Variants in ASZ1 observed in about 807,000 individuals in gnomAD.
The protein encoded by ASZ1 is ankyrin repeat, SAM and basic leucine zipper domain-containing protein 1.
Under a neutral mutation model 61.8 loss-of-function variants are expected in ASZ1, and 67 were observed. That is an observed-to-expected ratio of 1.08 (90% CI 0.89 to 1.33). The LOEUF is 1.33. ASZ1 is among the 40% of genes most tolerant of loss of function. The pLI is 0.00. For missense variants in ASZ1, 577 were observed against 554.5 expected (o/e 1.04, Z -0.41); for synonymous variants, 193 against 192.7 (o/e 1.00, Z -0.01).
intron 2 of ASZ1, among the ~76,000 whole-genome samples, chr7:117,426,422 G>A (rs1157696203): frequency 2.2e-5 from 3 of 136,698 alleles, no homozygotes; most frequent in Non-Finnish European, 4.6e-5. Flanking sequence ...CCCGAAGGTG[G>A]AGATTGCAGT....
At chr7:117,377,671 G>GT (rs992779776) in intron 10 of ASZ1, among the ~76,000 whole-genome samples, 18 of 152,004 alleles carry the variant, frequency 1.2e-4, no homozygotes, top group Admixed American at 4.6e-4. Flanking sequence ...TCTCAGAAAG[G>GT]TTTTTTGTAG....
chr7:117,392,321 G>C (rs993421037), intron 4 of ASZ1, among the ~76,000 whole-genome samples: 1 of 151,758 alleles, frequency 6.6e-6, no homozygotes, highest in African/African-American at 2.4e-5. Context: ...TACCTTCTTG[G>C]TTAGATGTAT....
At chr7:117,382,046 C>T in intron 8 of ASZ1, 23 bp downstream of exon 8, 2 of 1,422,336 alleles carry the variant, frequency 1.4e-6, no homozygotes, top group Non-Finnish European at 2.0e-6. Flanking sequence ...GCATAACTCA[C>T]TGTAGGTTAT....
intron 10 of ASZ1, among the ~76,000 whole-genome samples, chr7:117,375,976 T>C (rs1796128314): frequency 1.3e-5 from 2 of 151,246 alleles, no homozygotes; most frequent in Admixed American, 1.3e-4. Flanking sequence ...ACAGCAGAAA[T>C]CAATGACACT....
At chr7:117,406,076 T>C (rs1396167717) in intron 4 of ASZ1, among the ~76,000 whole-genome samples, 1 of 151,610 alleles carries the variant, frequency 6.6e-6, no homozygotes, top group Non-Finnish European at 1.5e-5. Flanking sequence ...CCTTAGACCA[T>C]AGGGTCATTA....
intron 3 of ASZ1, among the ~76,000 whole-genome samples, chr7:117,420,525 A>G (rs1048867850): frequency 2.6e-5 from 4 of 152,226 alleles, no homozygotes; most frequent in African/African-American, 7.2e-5. Flanking sequence ...CTTCAAGAGA[A>G]CAGAAAGTGG....
intron 10 of ASZ1, among the ~76,000 whole-genome samples, chr7:117,369,548 A>G (rs1290946227): frequency 6.6e-6 from 1 of 152,186 alleles, no homozygotes; most frequent in Non-Finnish European, 1.5e-5. Flanking sequence ...ACTAACAGAG[A>G]AATGCATCCA....
rs71148368 is a variant in ASZ1, at chr7:117,425,259, C to CTTTTTTT, written c.205+1570_205+1576dup. Among the ~76,000 whole-genome samples the CTTTTTTT allele has an allele frequency of 1.7e-3, 161 of 93,832 alleles. 2 individuals carry two copies. Among genetic ancestry groups the CTTTTTTT allele is most frequent in the Non-Finnish European group, 2.1e-3 (105 of 49,420 alleles). The allele number at this position is 93,832 out of a possible 152,430, so 61.6% of individuals were successfully genotyped here. A position where few individuals can be genotyped will look rare whatever the true frequency, so the allele number is the denominator to read the frequency against. On this transcript the variant is annotated intron_variant, in intron 2 of 12. Coordinates refer to ENST00000284629, the MANE Select transcript of ASZ1 (RefSeq NM_130768.3). ...TGCTTGTTATTCCTTTGAGTAATTT[C>CTTTTTTT]TTTTTTTTTTTTTTTTTTTTTTTTG... is the stretch of plus-strand genomic sequence containing the variant.
At chr7:117,368,481 T>C in intron 11 of ASZ1, 131 bp downstream of exon 11, 1 of 1,434,800 alleles carries the variant, frequency 7.0e-7, no homozygotes, top group East Asian at 2.5e-5. Flanking sequence ...CTTATTTAGA[T>C]CTTATGTGAT....
chr7:117,396,283 T>C (rs73213824), intron 4 of ASZ1, among the ~76,000 whole-genome samples: 180 of 152,318 alleles, frequency 1.2e-3, no homozygotes, highest in Non-Finnish European at 2.0e-3. Context: ...GTATTTTTCT[T>C]GCATAACTGA....
At chr7:117,420,899 T>C (rs917363486) in intron 3 of ASZ1, among the ~76,000 whole-genome samples, 1 of 152,184 alleles carries the variant, frequency 6.6e-6, no homozygotes, top group Non-Finnish European at 1.5e-5. Flanking sequence ...TGATTCACAT[T>C]AGTGGCTCAA....
chr7:117,384,601 A>T, intron 6 of ASZ1, 125 bp downstream of exon 6: 1 of 1,143,912 alleles, frequency 8.7e-7, no homozygotes, highest in Non-Finnish European at 1.2e-6. Context: ...ATACATATTT[A>T]AACATTTAAT....
At chr7:117,424,473 C>T (rs1369754335) in intron 2 of ASZ1, among the ~76,000 whole-genome samples, 1 of 152,186 alleles carries the variant, frequency 6.6e-6, no homozygotes, top group Non-Finnish European at 1.5e-5. Context: ...AAATCTTTCT[C>T]CTTCTACCTA....
Position 117,379,168 on chromosome 7 carries a change from T to TATATATATATAC in ASZ1, c.1055+769_1055+770insGTATATATATAT, listed in dbSNP as rs1161457624. 1.4e-4 allele frequency among the ~76,000 whole-genome samples: 10 copies of TATATATATATAC among 69,714 alleles called. No homozygotes were observed. The East Asian group carries it at 4.4e-3, about 31-fold the overall frequency. The allele number at this position is 69,714 out of a possible 152,430, so 45.7% of individuals were successfully genotyped here. A position where few individuals can be genotyped will look rare whatever the true frequency, so the allele number is the denominator to read the frequency against. On this transcript the variant is annotated intron_variant, in intron 10 of 12. Coordinates refer to ENST00000284629, the MANE Select transcript of ASZ1 (RefSeq NM_130768.3). ...ATATATATATATATATATATATATA[T>TATATATATATAC]ACACACACACACACACACACACACA... is the stretch of plus-strand genomic sequence containing the variant.
chr7:117,422,059 AAG>A (rs878932438), intron 3 of ASZ1, among the ~76,000 whole-genome samples, 176 bp downstream of exon 3: 1 of 152,194 alleles, frequency 6.6e-6, no homozygotes, highest in African/African-American at 2.4e-5. Context: ...TGTTTTTGGA[AAG>A]AGAGTTTTTC....
intron 3 of ASZ1, 135 bp downstream of exon 3, chr7:117,422,102 T>C: frequency 2.2e-6 from 2 of 901,218 alleles, no homozygotes; most frequent in Non-Finnish European, 3.1e-6. Flanking sequence ...TTTGATTTTG[T>C]ATATTATTTA....
Position 117,383,126 on chromosome 7 carries a change from A to G in ASZ1, c.688-16T>C. The G allele has an allele frequency of 1.3e-6, 2 of 1,528,650 alleles. No individual in the cohort carries two copies. Among genetic ancestry groups the G allele is most frequent in the Non-Finnish European group, 8.8e-7 (1 of 1,140,780 alleles). The allele number at this position is 1,528,650 out of a possible 1,614,324, so 94.7% of individuals were successfully genotyped here. On this transcript the variant is annotated splice_polypyrimidine_tract_variant and intron_variant, in intron 6 of 12. Transcript: ENST00000284629. ...AGTTGAAGATCTGAAAAAAGTTAAC[A>G]TCATTCAAATATAATTAACATTGCA...
chr7:117,378,865 G>C (rs1796190009), intron 10 of ASZ1, among the ~76,000 whole-genome samples: 1 of 151,710 alleles, frequency 6.6e-6, no homozygotes, highest in African/African-American at 2.4e-5. Context: ...ATTAACTATT[G>C]TACTGATACA....
At chr7:117,377,315 T>G (rs1315717950) in intron 10 of ASZ1, among the ~76,000 whole-genome samples, 1 of 152,020 alleles carries the variant, frequency 6.6e-6, no homozygotes, top group African/African-American at 2.4e-5. Flanking sequence ...CACTTGAACC[T>G]AGGAGTTTGA....
Sources: allele counts gnomAD v4.1 joint callset (sites outside exome capture counted in the v4.1 genomes callset), GRCh38; gene constraint gnomAD v4.1.1; transcripts MANE v1.5; gene names NCBI Gene and HGNC (gene_info 2026-07-23, HGNC 2026-07-21).